The following RBMS1 variants were observed in gnomAD, a reference collection of about 807,000 sequenced individuals.
The protein encoded by RBMS1 is RNA-binding motif, single-stranded-interacting protein 1.
Under a neutral mutation model 62.3 loss-of-function variants are expected in RBMS1, and 17 were observed. The observed-to-expected ratio is 0.27, with a 90% CI of 0.19 to 0.41. The LOEUF is 0.41. Among genes scored for constraint, RBMS1 ranks in the 10% least tolerant of loss-of-function variants. The pLI, the probability that RBMS1 is intolerant of heterozygous loss-of-function variation, is 1.00. For synonymous variants in RBMS1, 172 were observed against 170.0 expected, an observed-to-expected ratio of 1.01 and a Z score of -0.09; for missense variants, 334 against 504.5, an observed-to-expected ratio of 0.66 and a Z score of 3.24.
chr2:160,322,341 T>C lies in RBMS1; in HGVS notation c.252-4114A>G, dbSNP rs563409083. On this transcript the variant is annotated intron_variant, in intron 2 of 13. Transcript: ENST00000348849. ...AAGAAGAAGGGTAATGGAAGGTCTG[T>C]ACGGTACTCAAATATTCATTTTCCA... is the stretch of plus-strand genomic sequence containing the variant. 1.5e-4 allele frequency among the ~76,000 whole-genome samples: 23 copies of C among 152,338 alleles called. No individual in the cohort carries two copies. In the South Asian group the frequency reaches 4.6e-3, roughly 30 times the overall value.
At chr2:160,347,798 A>G (rs1692267002) in intron 2 of RBMS1, among the ~76,000 whole-genome samples, 1 of 152,108 alleles carries the variant, frequency 6.6e-6, no homozygotes, top group Admixed American at 6.6e-5. Flanking sequence ...TTCAAGGGCA[A>G]TGTCTCAAAT....
In RBMS1 at chr2:160,295,238, A is replaced by G. The variant is rs150015973; in HGVS notation, c.640+5413T>C. On this transcript the variant is annotated intron_variant, in intron 6 of 13. Coordinates refer to ENST00000348849, the MANE Select transcript of RBMS1 (RefSeq NM_016836.4). ...ATCCAAAAAGGCCCTCAAATTAGCA[A>G]TAATTCTTGGGAAGAGCTCTGCATG... 7.2e-4 allele frequency among the ~76,000 whole-genome samples: 109 copies of G among 152,350 alleles called. 1 individual carries two copies. Among genetic ancestry groups the G allele is most frequent in the Middle Eastern group, 3.4e-3 (1 of 294 alleles).
chr2:160,316,095 T>C (rs1454264831), intron 3 of RBMS1, among the ~76,000 whole-genome samples: 3 of 152,216 alleles, frequency 2.0e-5, no homozygotes, highest in African/African-American at 7.2e-5. Context: ...TTTATATTCA[T>C]TTATCAATCA....
chr2:160,318,230 A>AAT lies in RBMS1; in HGVS notation c.252-4_252-3insAT. On this transcript the variant is annotated splice_polypyrimidine_tract_variant and splice_region_variant and intron_variant, in intron 2 of 13. Transcript: ENST00000348849. ...TTGTGGAGACTATTTTCCCATATCT[A>AAT]AAAAAAAAAAAAAAAAAAAAAAGGA... 10 of 73,688 alleles carry AAT rather than the reference A, an allele frequency of 1.4e-4. No homozygotes were observed. Among genetic ancestry groups the AAT allele is most frequent in the Middle Eastern group, 6.4e-3 (1 of 156 alleles). 4.6% of individuals were successfully genotyped at this position (73,688 alleles called of 1,614,324 possible). A position where few individuals can be genotyped will look rare whatever the true frequency, so the allele number is the denominator to read the frequency against.
At chr2:160,416,370 A>G (rs1306872434) in intron 1 of RBMS1, among the ~76,000 whole-genome samples, 1 of 152,088 alleles carries the variant, frequency 6.6e-6, no homozygotes, top group Non-Finnish European at 1.5e-5. Flanking sequence ...ATTATTATTA[A>G]GTGTTAAAAT....
At chr2:160,287,469 T>G (rs1688460290) in intron 6 of RBMS1, among the ~76,000 whole-genome samples, 1 of 152,220 alleles carries the variant, frequency 6.6e-6, no homozygotes, top group African/African-American at 2.4e-5. Context: ...AAATGGTCCC[T>G]TAGCGTCCCA....
chr2:160,394,938 G>A (rs1462900256), intron 1 of RBMS1, among the ~76,000 whole-genome samples: 1 of 152,172 alleles, frequency 6.6e-6, no homozygotes, highest in African/African-American at 2.4e-5. Flanking sequence ...TTATTTAGGA[G>A]TAAATTAAAG....
At chr2:160,439,950 C>CA (rs1683335047) in intron 1 of RBMS1, among the ~76,000 whole-genome samples, 1 of 151,904 alleles carries the variant, frequency 6.6e-6, no homozygotes, top group African/African-American at 2.4e-5. Flanking sequence ...AGGCACTCGG[C>CA]AAGCTGAGGC....
chr2:160,324,882 G>GTATATATATATATATATATA lies in RBMS1; in HGVS notation c.252-6675_252-6656dup, dbSNP rs201492090. ...CTAAGCGAGATGTGTGTGTGTGTGT[G>GTATATATATATATATATATA]TATATATATATATATATATATATAT... On this transcript the variant is annotated intron_variant, in intron 2 of 13. Coordinates refer to ENST00000348849, the MANE Select transcript of RBMS1 (RefSeq NM_016836.4). Among the ~76,000 whole-genome samples, 218 of 99,976 alleles carry GTATATATATATATATATATA rather than the reference G, an allele frequency of 2.2e-3. 2 individuals are homozygous for GTATATATATATATATATATA. The highest frequency in any genetic ancestry group is 0.011 in the Middle Eastern group (2 of 184). 65.6% of individuals were successfully genotyped at this position (99,976 alleles called of 152,430 possible).
chr2:160,370,401 G>A (rs1415236279), intron 1 of RBMS1, among the ~76,000 whole-genome samples: 2 of 152,180 alleles, frequency 1.3e-5, no homozygotes, highest in African/African-American at 4.8e-5. Flanking sequence ...TTGGGAGGCC[G>A]AGGTGGGTGG....
At chr2:160,460,623 C>G (rs1684419611) in intron 1 of RBMS1, among the ~76,000 whole-genome samples, 1 of 152,214 alleles carries the variant, frequency 6.6e-6, no homozygotes, top group African/African-American at 2.4e-5. Flanking sequence ...GGCCATTGGA[C>G]AACCTGTTGC....
intron 6 of RBMS1, among the ~76,000 whole-genome samples, chr2:160,294,875 T>A (rs773855504): frequency 6.6e-6 from 1 of 152,190 alleles, no homozygotes; most frequent in Non-Finnish European, 1.5e-5. Flanking sequence ...ATTTTTGTTT[T>A]TTATCTGGTT....
intron 1 of RBMS1, among the ~76,000 whole-genome samples, chr2:160,379,088 G>A (rs1310702425): frequency 6.6e-6 from 1 of 152,134 alleles, no homozygotes; most frequent in East Asian, 1.9e-4. Context: ...GCATGGTGGT[G>A]CATGCCTGTA....
At chr2:160,461,589 A>C (rs1196206544) in intron 1 of RBMS1, among the ~76,000 whole-genome samples, 1 of 152,214 alleles carries the variant, frequency 6.6e-6, no homozygotes, top group East Asian at 1.9e-4. Context: ...CAGCTTCGGG[A>C]GCGCTATAGG....
At chr2:160,446,318 A>T (rs931165486) in intron 1 of RBMS1, among the ~76,000 whole-genome samples, 7 of 152,194 alleles carry the variant, frequency 4.6e-5, no homozygotes, top group African/African-American at 1.7e-4. Flanking sequence ...ACTCATTGCC[A>T]TCTTCTCCAG....
chr2:160,461,595 A>G (rs1323995757), intron 1 of RBMS1, among the ~76,000 whole-genome samples: 2 of 152,228 alleles, frequency 1.3e-5, no homozygotes, highest in Non-Finnish European at 1.5e-5. Context: ...CGGGAGCGCT[A>G]TAGGCCAAGC....
intron 1 of RBMS1, among the ~76,000 whole-genome samples, chr2:160,422,290 G>A (rs1485726071): frequency 6.6e-6 from 1 of 152,138 alleles, no homozygotes; most frequent in Non-Finnish European, 1.5e-5. Context: ...GAGTTTAGGG[G>A]GTCGTGAGTA....
At chr2:160,326,114 C>T (rs889234235) in intron 2 of RBMS1, among the ~76,000 whole-genome samples, 3 of 152,106 alleles carry the variant, frequency 2.0e-5, no homozygotes, top group Non-Finnish European at 4.4e-5. Flanking sequence ...GCAAGAAAAG[C>T]TACTGCAGAC....
chr2:160,377,894 C>T (rs1407366734), intron 1 of RBMS1, among the ~76,000 whole-genome samples: 5 of 152,122 alleles, frequency 3.3e-5, no homozygotes, highest in South Asian at 2.1e-4. Flanking sequence ...CTTCCAGTCC[C>T]GACACTGCTG....
Sources: allele counts gnomAD v4.1 joint callset (sites outside exome capture counted in the v4.1 genomes callset), GRCh38; gene constraint gnomAD v4.1.1; transcripts MANE v1.5; gene names NCBI Gene and HGNC (gene_info 2026-07-23, HGNC 2026-07-21).